The following NHSL1 variants were observed in gnomAD, a reference collection of about 807,000 sequenced individuals.
NHSL1 encodes the protein NHS like 1, also known as NHS-like protein 1.
Under a neutral mutation model 95.0 loss-of-function variants are expected in NHSL1, and 48 were observed. The observed-to-expected ratio is 0.51, with a 90% CI of 0.40 to 0.64. The LOEUF (loss-of-function observed/expected upper bound fraction) is 0.64. Among genes scored for constraint, NHSL1 ranks in the 30% least tolerant of loss-of-function variants. The pLI is 0.00. For missense variants in NHSL1, 1,971 were observed against 2,077.7 expected (o/e 0.95, Z 1.00); for synonymous variants, 783 against 833.9 (o/e 0.94, Z 1.05).
chr6:138,616,065 C>G (rs1449277204), intron 1 of NHSL1, among the ~76,000 whole-genome samples: 2 of 152,170 alleles, frequency 1.3e-5, no homozygotes, highest in Non-Finnish European at 2.9e-5. Context: ...TACTCTATTT[C>G]AAAACATTTG....
chr6:138,611,984 C>T (rs1169593407), intron 1 of NHSL1, among the ~76,000 whole-genome samples: 1 of 151,202 alleles, frequency 6.6e-6, no homozygotes, highest in Non-Finnish European at 1.5e-5. Flanking sequence ...GTGATGGCCA[C>T]CTGTAATCCC....
chr6:138,639,797 C>CAAA (rs56909767), intron 1 of NHSL1, among the ~76,000 whole-genome samples: 385 of 22,564 alleles, frequency 0.017, 84 homozygotes, highest in African/African-American at 0.04. Flanking sequence ...GACTCAGTCT[C>CAAA]AAAAAAAAAA....
intron 1 of NHSL1, among the ~76,000 whole-genome samples, chr6:138,611,342 GA>G (rs140587503): frequency 0.03 from 4,513 of 152,242 alleles, 206 homozygotes; most frequent in African/African-American, 0.1. Context: ...AGTGGTATAG[GA>G]ATGATTTCGT....
chr6:138,424,109 C>T lies in NHSL1; in HGVS notation c.4793G>A (p.Cys1598Tyr). The T allele has an allele frequency of 7.1e-7, 1 of 1,409,658 alleles. No individual in the cohort carries two copies. The highest frequency in any genetic ancestry group is 9.2e-7 in the Non-Finnish European group (1 of 1,083,426). 87.3% of individuals were successfully genotyped at this position (1,409,658 alleles called of 1,614,324 possible). ...SAEGREPSPQ[C>Y]GGSLSEES is the part of the protein sequence containing the mutation. The stretch of plus-strand genomic sequence containing the variant: ...ACTCTCCTCGCTCAGAGAACCGCCA[C>T]ACTGTGGGGAGGGCTCTCTGCCCTC... The change falls in exon 8 of 8, where the codon TGT becomes TAT. Residue 1598 changes from cysteine (C) to tyrosine (Y), a missense_variant. Physicochemically the swap from Cys to Tyr is radical, Grantham distance 194. Coordinates refer to ENST00000343505, the MANE Select transcript of NHSL1 (RefSeq NM_001144060.2). The surrounding 1 kb of genome is among the most constrained non-coding windows in gnomAD (Gnocchi z 5.9).
chr6:138,465,710 CTTT>C (rs1217152430), intron 3 of NHSL1, among the ~76,000 whole-genome samples: 1 of 148,022 alleles, frequency 6.8e-6, no homozygotes, highest in South Asian at 2.1e-4. Flanking sequence ...ATCTCCTACA[CTTT>C]TTTTTCTTTT....
chr6:138,511,889 T>C (rs4243452), intron 1 of NHSL1, among the ~76,000 whole-genome samples: 90,765 of 152,046 alleles, frequency 0.6, 28,696 homozygotes, highest in East Asian at 0.95. Context: ...GCCTGGGCAA[T>C]AGAGCGAGAT....
chr6:138,639,365 G>C (rs1232646933), intron 1 of NHSL1, among the ~76,000 whole-genome samples: 1 of 151,892 alleles, frequency 6.6e-6, no homozygotes, highest in Non-Finnish European at 1.5e-5. Context: ...ATGGCTGGGC[G>C]CAATGGCTCA....
intron 1 of NHSL1, among the ~76,000 whole-genome samples, chr6:138,584,130 TAAATA>T (rs1468772786): frequency 1.3e-5 from 2 of 152,036 alleles, no homozygotes; most frequent in African/African-American, 2.4e-5. Flanking sequence ...AGTAAATAAA[TAAATA>T]AAATAATATT....
At chr6:138,666,590 C>CAAAAAAA (rs10564684) in intron 1 of NHSL1, among the ~76,000 whole-genome samples, 5 of 89,284 alleles carry the variant, frequency 5.6e-5, no homozygotes, top group Non-Finnish European at 6.5e-5. Flanking sequence ...GCCTCCATCT[C>CAAAAAAA]AAAAAAAAAA....
At chr6:138,680,518 T>C (rs967871465) in intron 1 of NHSL1, among the ~76,000 whole-genome samples, 1 of 152,204 alleles carries the variant, frequency 6.6e-6, no homozygotes, top group African/African-American at 2.4e-5. Context: ...ACATTTAGCA[T>C]GTGGATATCT....
At chr6:138,481,144 T>A (rs547756395) in intron 2 of NHSL1, among the ~76,000 whole-genome samples, 1 of 152,208 alleles carries the variant, frequency 6.6e-6, no homozygotes, top group Admixed American at 6.5e-5. Flanking sequence ...AATAGCTGAA[T>A]GAAGTATTGT....
At position 138,496,218 on chromosome 6, in the gene NHSL1, C is replaced by T. The variant is rs1401111652; in HGVS notation, c.211+1G>A. ...TAAGCTCACAGAGGATGCCATCTTA[C>T]CCCTCAGTACTGATTTGAGGTTGAG... On this transcript the variant is annotated splice_donor_variant, in intron 2 of 7. Coordinates refer to ENST00000343505, the MANE Select transcript of NHSL1 (RefSeq NM_001144060.2). LOFTEE classifies it high-confidence loss of function. The T allele has an allele frequency of 1.3e-6, 2 of 1,550,676 alleles. No individual in the cohort carries two copies. The highest frequency in any genetic ancestry group is 8.7e-7 in the Non-Finnish European group (1 of 1,146,642).
At chr6:138,462,135 T>A (rs1778038393) in intron 3 of NHSL1, among the ~76,000 whole-genome samples, 1 of 152,194 alleles carries the variant, frequency 6.6e-6, no homozygotes, top group Admixed American at 6.5e-5. Context: ...AGAGTCTGAG[T>A]CTGTTTTCTG....
intron 5 of NHSL1, 148 bp downstream of exon 5, chr6:138,441,835 T>C (rs1210820426): frequency 4.7e-6 from 3 of 639,106 alleles, no homozygotes; most frequent in African/African-American, 3.8e-5. Flanking sequence ...GATTTGCACC[T>C]AATGCCTCAT....
chr6:138,565,943 T>TAA lies in NHSL1; in HGVS notation c.202+5765_202+5766dup, dbSNP rs5880386. ...GGGCAACAAAGCAAGACCCTGTTTCTAAAAAAAAAAAAAGCAAACAAACAA... is the reference window on the plus strand; with the variant it reads ...GGGCAACAAAGCAAGACCCTGTTTCTAAAAAAAAAAAAAAAGCAAACAAACAA... On this transcript the variant is annotated intron_variant, in intron 1 of 6. Transcript: ENST00000427025. Among the ~76,000 whole-genome samples, 62 of 133,356 alleles carry TAA rather than the reference T, an allele frequency of 4.6e-4. No homozygotes were observed. The East Asian group carries it at 4.8e-3, about 10-fold the overall frequency. The allele number at this position is 133,356 out of a possible 152,430, so 87.5% of individuals were successfully genotyped here.
chr6:138,559,913 C>T (rs1783350442), intron 1 of NHSL1, among the ~76,000 whole-genome samples: 1 of 152,130 alleles, frequency 6.6e-6, no homozygotes, highest in South Asian at 2.1e-4. Context: ...GCATGGGAAC[C>T]AATGTAAAGT....
Position 138,482,445 on chromosome 6 carries a change from CAA to C in NHSL1, c.212-9014_212-9013del, listed in dbSNP as rs34849976. Among the ~76,000 whole-genome samples, 379 of 81,198 alleles carry C rather than the reference CAA, an allele frequency of 4.7e-3. 3 individuals are homozygous for C. In the East Asian group the frequency reaches 0.05, roughly 11 times the overall value. 53.3% of individuals were successfully genotyped at this position (81,198 alleles called of 152,430 possible). A position where few individuals can be genotyped will look rare whatever the true frequency, so the allele number is the denominator to read the frequency against. ...TGGGTGACAGAGCGAGACTCCGTCT[CAA>C]AAAAAAAAAAAAAAAAAAAGGAGGA... On this transcript the variant is annotated intron_variant, in intron 2 of 7. Transcript: ENST00000343505.
At chr6:138,682,989 G>C (rs1244281565) in intron 1 of NHSL1, among the ~76,000 whole-genome samples, 1 of 152,176 alleles carries the variant, frequency 6.6e-6, no homozygotes, top group Non-Finnish European at 1.5e-5. Flanking sequence ...GCCAACCCCA[G>C]GCCAAGTGAG....
upstream of NHSL1, among the ~76,000 whole-genome samples, chr6:138,550,198 C>A (rs1647687380): frequency 6.6e-6 from 1 of 151,952 alleles, no homozygotes; most frequent in Non-Finnish European, 1.5e-5. Flanking sequence ...GGGATCGTGC[C>A]ACTGTATTCC....
Sources: gnomAD v4.1 joint callset for allele counts (sites outside exome capture counted in the v4.1 genomes callset) on GRCh38, gnomAD v4.1.1 for gene constraint, Gnocchi (gnomAD v3.1) non-coding constraint, MANE v1.5 for transcripts, NCBI Gene and HGNC (gene_info 2026-07-23, HGNC 2026-07-21) for gene names.